Variants in MAST4 observed in about 807,000 individuals in gnomAD.
MAST4 encodes the protein microtubule associated serine/threonine kinase family member 4.
A neutral mutation model predicts 162.7 loss-of-function variants in MAST4; 89 were observed. The observed-to-expected ratio is 0.55, with a 90% CI of 0.46 to 0.65. MAST4 has a LOEUF of 0.65. MAST4 is among the 30% of genes least tolerant of loss of function. MAST4 has a pLI of 0.00. For missense variants in MAST4, 3,153 were observed against 3,374.0 expected (o/e 0.93, Z 1.62); for synonymous variants, 1,479 against 1,361.1 (o/e 1.09, Z -1.91).
At chr5:67,002,445 G>A (rs1324106072) in intron 4 of MAST4, among the ~76,000 whole-genome samples, 1 of 152,222 alleles carries the variant, frequency 6.6e-6, no homozygotes, top group African/African-American at 2.4e-5. Context: ...TCAGTAAAAT[G>A]TGACTTTAGC....
In MAST4 at chr5:67,079,161, C is replaced by T. The variant is rs141071314; in HGVS notation, c.764-11001C>T. ...CATAGGAATTTAGCTCTTGGAAGTA[C>T]GTAAATATTTAGAAGATATTCATTG... On this transcript the variant is annotated intron_variant, in intron 5 of 28. Coordinates refer to ENST00000403625, the MANE Select transcript of MAST4 (RefSeq NM_001164664.2). Among the ~76,000 whole-genome samples, 755 of 150,088 alleles carry T rather than the reference C, an allele frequency of 5.0e-3. 4 individuals carry two copies. Among genetic ancestry groups the T allele is most frequent in the Non-Finnish European group, 6.8e-3 (459 of 67,658 alleles).
intron 10 of MAST4, 82 bp from the exon 11 acceptor site, chr5:67,110,016 C>A: frequency 1.1e-6 from 1 of 952,248 alleles, no homozygotes. Context: ...TTGCAATGAT[C>A]TAATTAGCAT....
chr5:66,748,257 C>G (rs1247332374), intron 1 of MAST4, among the ~76,000 whole-genome samples: 1 of 151,966 alleles, frequency 6.6e-6, no homozygotes, highest in African/African-American at 2.4e-5. Context: ...AGAGCAATAC[C>G]TGGCACACAG....
In MAST4 at chr5:66,884,493, ATCT is replaced by A. The variant is rs774574706; in HGVS notation, c.643-15454_643-15452del. ...CTGTCATTCTGTACACCTGGAAAAC[ATCT>A]TCTCCACTGTTTCCTGAGAAGGACC... On this transcript the variant is annotated intron_variant, in intron 3 of 28. Transcript: ENST00000403625. Among the ~76,000 whole-genome samples the A allele has an allele frequency of 8.5e-5, 13 of 152,302 alleles. No homozygotes were observed. The East Asian group carries it at 1.5e-3, about 18-fold the overall frequency.
At chr5:67,003,736 C>G (rs1183131265) in intron 4 of MAST4, 2 of 152,014 alleles carry the variant, frequency 1.3e-5, no homozygotes, top group Admixed American at 1.3e-4. Context: ...ACATTCAGCC[C>G]CCTTCATTCT....
At chr5:66,932,849 A>C (rs1742323041) in intron 4 of MAST4, among the ~76,000 whole-genome samples, 1 of 152,202 alleles carries the variant, frequency 6.6e-6, no homozygotes. Flanking sequence ...TTTAGCAATT[A>C]AATCTTTTTA....
chr5:67,008,236 T>C (rs540385520), intron 4 of MAST4, among the ~76,000 whole-genome samples: 15 of 152,314 alleles, frequency 9.8e-5, no homozygotes, highest in African/African-American at 3.6e-4. Context: ...ACTTGTTGCT[T>C]TAGACTGAAG....
Position 67,144,599 on chromosome 5 carries a change from A to G in MAST4, c.2731-70A>G, listed in dbSNP as rs1344351235. On this transcript the variant is annotated intron_variant, in intron 21 of 28. Transcript: ENST00000403625. Reference sequence around the variant, plus strand: ...GTTATCCTCTCAGGTTTTTCTCCCAAGACTTGGAGTGTTTTTCTGACAAAC... The same window carrying G: ...GTTATCCTCTCAGGTTTTTCTCCCAGGACTTGGAGTGTTTTTCTGACAAAC... The G allele has an allele frequency of 2.0e-6, 3 of 1,512,896 alleles. No homozygotes were observed. In the East Asian group the frequency reaches 6.8e-5, roughly 34 times the overall value. The allele number at this position is 1,512,896 out of a possible 1,614,324, so 93.7% of individuals were successfully genotyped here.
intron 3 of MAST4, among the ~76,000 whole-genome samples, chr5:66,851,984 A>G (rs1397808245): frequency 2.6e-5 from 4 of 152,138 alleles, no homozygotes; most frequent in Non-Finnish European, 4.4e-5. Context: ...AATGAATAGT[A>G]ATTTCCATGA....
chr5:67,159,020 G>A (rs1165183377), intron 26 of MAST4, among the ~76,000 whole-genome samples: 5 of 152,182 alleles, frequency 3.3e-5, no homozygotes, highest in Non-Finnish European at 4.4e-5. Flanking sequence ...GGCAACAAGA[G>A]TGAAACTGTG....
intron 3 of MAST4, among the ~76,000 whole-genome samples, chr5:66,864,337 T>C (rs1021274602): frequency 2.6e-5 from 4 of 152,082 alleles, no homozygotes; most frequent in Non-Finnish European, 4.4e-5. Flanking sequence ...ATCCCAGAGA[T>C]CCTGTGTTGA....
At chr5:66,944,900 G>T (rs140344881) in intron 4 of MAST4, among the ~76,000 whole-genome samples, 1 of 152,202 alleles carries the variant, frequency 6.6e-6, no homozygotes, top group Non-Finnish European at 1.5e-5. Flanking sequence ...TTAGGTTAGA[G>T]CCACCTAGTG....
intron 3 of MAST4, among the ~76,000 whole-genome samples, chr5:66,794,076 G>A (rs1019710878): frequency 6.6e-6 from 1 of 152,118 alleles, no homozygotes; most frequent in Non-Finnish European, 1.5e-5. Context: ...ACAGACTCTT[G>A]TATATTTATG....
At position 67,163,703 on chromosome 5, in the gene MAST4, C is replaced by T. The variant is rs201095763; in HGVS notation, c.4524C>T (p.Gly1508=). 27 of 1,609,078 alleles carry T rather than the reference C, an allele frequency of 1.7e-5. No homozygotes were observed. The East Asian group carries it at 5.6e-4, about 33-fold the overall frequency. The change falls in exon 29 of 29, where the codon GGC becomes GGT. Residue 1508 remains glycine (G), a synonymous_variant. Coordinates refer to ENST00000403625, the MANE Select transcript of MAST4 (RefSeq NM_001164664.2). The surrounding 1 kb of genome is among the most constrained non-coding windows in gnomAD (Gnocchi z 7.0). The part of the protein sequence containing the change: ...PLSRARPVEQ[G]CLKRPVSRKV... The stretch of plus-strand genomic sequence containing the variant: ...GCCGCGCCCGGCCAGTGGAGCAAGG[C>T]TGCCTGAAACGCCCAGTCTCCCGGA...
intron 4 of MAST4, among the ~76,000 whole-genome samples, chr5:66,923,735 C>A (rs376408272): frequency 6.6e-6 from 1 of 152,110 alleles, no homozygotes; most frequent in African/African-American, 2.4e-5. Flanking sequence ...AATCATCCTG[C>A]CTGTGTTTGT....
rs762405984 is a variant in MAST4, at chr5:67,160,526, G to C, written c.3719G>C (p.Arg1240Thr). The change falls in exon 27 of 29, where the codon AGA (arginine) becomes ACA (threonine). Residue 1240 changes from arginine (R) to threonine (T), a missense_variant. By Grantham distance (71) the Arg-to-Thr change is moderately conservative. This residue lies in a region of MAST4 where 619 missense variants were observed against 744.2 expected (regional missense o/e 0.83). Transcript: ENST00000403625. Reference sequence around the variant, plus strand: ...TCAATCAAAACTGGACCAGCCAGGAGAAACAGCTATAAGAGCCGGATGGTG... The same window carrying C: ...TCAATCAAAACTGGACCAGCCAGGACAAACAGCTATAAGAGCCGGATGGTG... ...NTSIKTGPAR[R>T]NSYKSRMVRR... 8 of 1,613,832 alleles carry C rather than the reference G, an allele frequency of 5.0e-6. No homozygotes were observed. The African/African-American group carries it at 1.1e-4, about 22-fold the overall frequency.
At chr5:67,075,207 GTCATC>G (rs1337650839) in intron 5 of MAST4, among the ~76,000 whole-genome samples, 1 of 131,418 alleles carries the variant, frequency 7.6e-6, no homozygotes, top group East Asian at 2.2e-4. Flanking sequence ...GTTTTGCTCT[GTCATC>G]TAAGCTGGAG....
At chr5:66,750,977 G>A (rs1360887520) in intron 1 of MAST4, among the ~76,000 whole-genome samples, 1 of 152,166 alleles carries the variant, frequency 6.6e-6, no homozygotes, top group Non-Finnish European at 1.5e-5. Flanking sequence ...TTCTCAAGTG[G>A]GTCCCTGACC....
intron 1 of MAST4, among the ~76,000 whole-genome samples, chr5:66,748,436 C>CCTCCCTCCCTCA (rs1561302723): frequency 5.5e-4 from 3 of 5,416 alleles, no homozygotes; most frequent in African/African-American, 1.7e-3. Flanking sequence ...TCCCTCCCTC[C>CCTCCCTCCCTCA]CTCCCTCTCT....
Sources: gnomAD v4.1 joint callset for allele counts (sites outside exome capture counted in the v4.1 genomes callset) on GRCh38, gnomAD v4.1.1 for gene constraint, gnomAD v4.1.1 regional missense constraint, Gnocchi (gnomAD v3.1) non-coding constraint, MANE v1.5 for transcripts, NCBI Gene and HGNC (gene_info 2026-07-23, HGNC 2026-07-21) for gene names.